KCNMB2: variants seen among roughly 807,000 people sequenced by gnomAD.
KCNMB2 encodes the protein potassium calcium-activated channel subfamily M regulatory beta subunit 2.
In KCNMB2, 9 loss-of-function variants were observed where a neutral mutation model predicts 24.5. That is an observed-to-expected ratio of 0.37 (90% CI 0.22 to 0.64). The LOEUF is 0.64. Among genes scored for constraint, KCNMB2 ranks in the 30% least tolerant of loss-of-function variants. The probability of loss-of-function intolerance (pLI) is 0.63; values close to 1 mark genes in which losing one functional copy is unlikely to be tolerated. For synonymous variants in KCNMB2, 109 were observed against 104.4 expected, an observed-to-expected ratio of 1.04 and a Z score of -0.27; for missense variants, 226 against 284.3, an observed-to-expected ratio of 0.79 and a Z score of 1.47.
At chr3:178,553,156 G>A (rs1448327108) in intron 1 of KCNMB2, among the ~76,000 whole-genome samples, 1 of 152,106 alleles carries the variant, frequency 6.6e-6, no homozygotes, top group Non-Finnish European at 1.5e-5. Flanking sequence ...CCTGAAACTT[G>A]AACTTCTAAA....
intron 1 of KCNMB2, among the ~76,000 whole-genome samples, chr3:178,636,867 C>A (rs1434718563): frequency 6.6e-6 from 1 of 152,096 alleles, no homozygotes; most frequent in Non-Finnish European, 1.5e-5. Flanking sequence ...CCCATGCCCC[C>A]CAACAGACCA....
At position 178,794,043 on chromosome 3, in the gene KCNMB2, G is replaced by A. The variant is rs377444342; in HGVS notation, c.-67-13300G>A. ...AGGTCTTCACAGGCTGGACAGTGCC[G>A]CATGTAACATGTAACAAGGGATATT... On this transcript the variant is annotated intron_variant, in intron 1 of 4. Transcript: ENST00000452583. Among the ~76,000 whole-genome samples the A allele has an allele frequency of 1.0e-3, 159 of 152,228 alleles. 1 individual carries two copies. Among genetic ancestry groups the A allele is most frequent in the East Asian group, 1.4e-3 (7 of 5,162 alleles).
intron 1 of KCNMB2, among the ~76,000 whole-genome samples, chr3:178,640,461 A>T (rs1327219907): frequency 6.6e-6 from 1 of 152,144 alleles, no homozygotes; most frequent in Non-Finnish European, 1.5e-5. Flanking sequence ...GCAAGGGGGA[A>T]ATCCGCCCCC....
chr3:178,665,179 G>C (rs1024030603), intron 1 of KCNMB2, among the ~76,000 whole-genome samples: 1 of 152,090 alleles, frequency 6.6e-6, no homozygotes, highest in African/African-American at 2.4e-5. Flanking sequence ...TAGGAATTCT[G>C]ATCAACCTTT....
At chr3:178,785,389 G>T (rs1479882876) in intron 1 of KCNMB2, among the ~76,000 whole-genome samples, 1 of 151,822 alleles carries the variant, frequency 6.6e-6, no homozygotes, top group Non-Finnish European at 1.5e-5. Flanking sequence ...ATATTATACA[G>T]TAATAACAAT....
intron 1 of KCNMB2, among the ~76,000 whole-genome samples, chr3:178,680,676 G>C (rs1721238908): frequency 6.6e-6 from 1 of 152,038 alleles, no homozygotes. Context: ...TCTAGTCTAG[G>C]TGTACACAAG....
chr3:178,703,487 G>A lies in KCNMB2; in HGVS notation c.-67-103856G>A, dbSNP rs115306596. ...AGTCAGGGGATGATATGGAGACCCT[G>A]GTAAGTCCCATTCAGGCACCCACCC... On this transcript the variant is annotated intron_variant, in intron 1 of 4. Coordinates refer to ENST00000452583, the MANE Select transcript of KCNMB2 (RefSeq NM_181361.3). Among the ~76,000 whole-genome samples, 1,139 of 149,734 alleles carry A rather than the reference G, an allele frequency of 7.6e-3. 7 individuals carry two copies. Among genetic ancestry groups the A allele is most frequent in the Non-Finnish European group, 0.011 (768 of 67,514 alleles).
chr3:178,795,562 C>T (rs1454662274), intron 1 of KCNMB2, among the ~76,000 whole-genome samples: 1 of 152,142 alleles, frequency 6.6e-6, no homozygotes, highest in Non-Finnish European at 1.5e-5. Flanking sequence ...GGGCCCTCCT[C>T]AGGCTTCTTC....
intron 1 of KCNMB2, among the ~76,000 whole-genome samples, chr3:178,766,621 T>C (rs919511507): frequency 1.3e-5 from 2 of 152,246 alleles, no homozygotes; most frequent in Admixed American, 6.5e-5. Context: ...ATTTCTGATA[T>C]GCCTTCCCAA....
chr3:178,626,353 T>C (rs1719116870), intron 1 of KCNMB2, among the ~76,000 whole-genome samples: 1 of 152,212 alleles, frequency 6.6e-6, no homozygotes, highest in Non-Finnish European at 1.5e-5. Context: ...AATTAAATAA[T>C]TTAAGTAAAA....
At chr3:178,617,031 G>A (rs999252543) in intron 1 of KCNMB2, among the ~76,000 whole-genome samples, 1 of 152,018 alleles carries the variant, frequency 6.6e-6, no homozygotes, top group Non-Finnish European at 1.5e-5. Context: ...AGATACAGAG[G>A]TTTTATTTTT....
At chr3:178,756,328 T>A (rs934689826) in intron 1 of KCNMB2, among the ~76,000 whole-genome samples, 12 of 151,958 alleles carry the variant, frequency 7.9e-5, no homozygotes, top group Admixed American at 2.0e-4. Flanking sequence ...TTGCATTATT[T>A]ATGTTATGTA....
chr3:178,561,310 TTACTG>T (rs1217708063), intron 1 of KCNMB2, among the ~76,000 whole-genome samples: 1 of 152,206 alleles, frequency 6.6e-6, no homozygotes, highest in Non-Finnish European at 1.5e-5. Flanking sequence ...TTTTTAGAGA[TTACTG>T]TAAGTAGCAC....
intron 1 of KCNMB2, among the ~76,000 whole-genome samples, chr3:178,576,751 C>T (rs554621795): frequency 1.3e-5 from 2 of 152,314 alleles, no homozygotes; most frequent in African/African-American, 4.8e-5. Context: ...GCAGAGCCCA[C>T]CACACCTTGG....
intron 1 of KCNMB2, among the ~76,000 whole-genome samples, chr3:178,591,172 G>A (rs1362804207): frequency 3.3e-5 from 5 of 151,784 alleles, no homozygotes; most frequent in Non-Finnish European, 7.4e-5. Context: ...TTAGTCCATA[G>A]ATCTGAGGAC....
At chr3:178,668,845 T>C (rs780399769) in intron 1 of KCNMB2, among the ~76,000 whole-genome samples, 1 of 152,186 alleles carries the variant, frequency 6.6e-6, no homozygotes, top group Non-Finnish European at 1.5e-5. Flanking sequence ...GGTTTATCTA[T>C]TACTACTTTT....
intron 1 of KCNMB2, among the ~76,000 whole-genome samples, chr3:178,688,372 G>T (rs1026876412): frequency 2.6e-5 from 4 of 152,054 alleles, no homozygotes; most frequent in Non-Finnish European, 4.4e-5. Context: ...TTGATTTAAT[G>T]ATATGATACC....
intron 1 of KCNMB2, among the ~76,000 whole-genome samples, chr3:178,570,355 T>C (rs1048486356): frequency 6.6e-6 from 1 of 152,130 alleles, no homozygotes; most frequent in East Asian, 1.9e-4. Context: ...ACAATTTTTT[T>C]AATTTAGTCT....
intron 1 of KCNMB2, among the ~76,000 whole-genome samples, chr3:178,738,859 G>A (rs1022403962): frequency 9.2e-5 from 14 of 152,046 alleles, no homozygotes; most frequent in Admixed American, 6.6e-4. Context: ...TCTGTTCTCC[G>A]TGCTCACCAA....
Sources: allele counts gnomAD v4.1 joint callset (sites outside exome capture counted in the v4.1 genomes callset), GRCh38; gene constraint gnomAD v4.1.1; transcripts MANE v1.5; gene names NCBI Gene and HGNC (gene_info 2026-07-23, HGNC 2026-07-21).